The following ROBO2 variants were observed in gnomAD, a reference collection of about 807,000 sequenced individuals.
ROBO2 encodes roundabout guidance receptor 2, also known as roundabout homolog 2.
Under a neutral mutation model 160.8 loss-of-function variants are expected in ROBO2, and 53 were observed. That is an observed-to-expected ratio of 0.33 (90% confidence interval 0.26 to 0.41). The LOEUF (loss-of-function observed/expected upper bound fraction) is 0.41, where lower values mean the gene tolerates loss of function less well. Ranked by LOEUF, ROBO2 falls within the 10% of genes least tolerant of loss-of-function variation. ROBO2 has a pLI of 1.00. For synonymous variants in ROBO2, 664 were observed against 611.7 expected, an observed-to-expected ratio of 1.09 and a Z score of -1.26; for missense variants, 1,577 against 1,722.4, an observed-to-expected ratio of 0.92 and a Z score of 1.49.
intron 24 of ROBO2, among the ~76,000 whole-genome samples, chr3:77,640,096 C>CTTTTTTTTTTTTTTTTTTTTTTTTTTTTT (rs1559785171): frequency 1.0e-5 from 1 of 97,480 alleles, no homozygotes; most frequent in Non-Finnish European, 2.0e-5. Context: ...GCAGAGGAAG[C>CTTTTTTTTTTTTTTTTTTTTTTTTTTTTT]ATTTTTTTTT....
chr3:76,642,413 C>G (rs1338774874), intron 2 of ROBO2, among the ~76,000 whole-genome samples: 1 of 122,060 alleles, frequency 8.2e-6, no homozygotes, highest in Non-Finnish European at 1.6e-5. Context: ...AGTGTAATGG[C>G]GTGATCTCAA....
intron 12 of ROBO2, among the ~76,000 whole-genome samples, chr3:77,565,463 G>C (rs2093451951): frequency 6.6e-6 from 1 of 152,056 alleles, no homozygotes; most frequent in Non-Finnish European, 1.5e-5. Flanking sequence ...TTAATGAGTA[G>C]ATGCCCAAAT....
intron 2 of ROBO2, among the ~76,000 whole-genome samples, chr3:76,861,670 C>G (rs541234934): frequency 1.3e-5 from 2 of 152,128 alleles, no homozygotes; most frequent in South Asian, 4.1e-4. Context: ...ATATAACTAC[C>G]TACTGAACAA....
At chr3:77,400,032 G>C (rs1197499905) in intron 2 of ROBO2, among the ~76,000 whole-genome samples, 3 of 152,152 alleles carry the variant, frequency 2.0e-5, no homozygotes, top group Non-Finnish European at 2.9e-5. Context: ...TGTGTGGCCA[G>C]ACAGCAGAGA....
chr3:77,128,803 A>G (rs2075585309), intron 2 of ROBO2, among the ~76,000 whole-genome samples: 1 of 152,194 alleles, frequency 6.6e-6, no homozygotes, highest in African/African-American at 2.4e-5. Flanking sequence ...CTTGTGCTCA[A>G]CCTTGGTTAT....
Position 77,233,855 on chromosome 3 carries a change from TA to T in ROBO2, c.388+135519del, listed in dbSNP as rs556458896. Reference sequence around the variant, plus strand: ...AATTTATTTGCTTCTAATGTCTACATAAAAGACAAAATATCCACTAGTGAAT... The same window carrying T: ...AATTTATTTGCTTCTAATGTCTACATAAAGACAAAATATCCACTAGTGAAT... On this transcript the variant is annotated intron_variant, in intron 2 of 25. Coordinates refer to ENST00000461745, the Ensembl canonical transcript of ROBO2. Among the ~76,000 whole-genome samples, 8 of 152,302 alleles carry T rather than the reference TA, an allele frequency of 5.3e-5. No homozygotes were observed. In the South Asian group the frequency reaches 8.3e-4, roughly 16 times the overall value.
chr3:77,450,811 T>C (rs1016326556), intron 2 of ROBO2, among the ~76,000 whole-genome samples: 20 of 152,208 alleles, frequency 1.3e-4, no homozygotes, highest in African/African-American at 4.1e-4. Flanking sequence ...GTATTGTATA[T>C]GCAGAATCGT....
chr3:76,480,453 G>A (rs770002468), intron 2 of ROBO2, among the ~76,000 whole-genome samples: 33 of 152,220 alleles, frequency 2.2e-4, no homozygotes, highest in Middle Eastern at 3.4e-3. Context: ...GGCTTCCTTT[G>A]TCATGGAAGA....
intron 2 of ROBO2, among the ~76,000 whole-genome samples, chr3:75,989,046 A>C (rs904717552): frequency 4.6e-5 from 7 of 152,096 alleles, no homozygotes; most frequent in African/African-American, 1.7e-4. Flanking sequence ...TGTTAGTTTT[A>C]AAAATGTGTT....
At chr3:77,432,818 G>A (rs1330441637) in intron 2 of ROBO2, among the ~76,000 whole-genome samples, 1 of 152,106 alleles carries the variant, frequency 6.6e-6, no homozygotes, top group African/African-American at 2.4e-5. Context: ...CCCGTATGCT[G>A]GTTTATTGTG....
intron 2 of ROBO2, among the ~76,000 whole-genome samples, chr3:76,534,827 G>C (rs982422020): frequency 6.6e-6 from 1 of 152,082 alleles, no homozygotes; most frequent in Admixed American, 6.5e-5. Flanking sequence ...AGAACCTTAG[G>C]GGTTGGTGAC....
intron 2 of ROBO2, among the ~76,000 whole-genome samples, chr3:77,229,129 C>T (rs78562733): frequency 6.6e-6 from 1 of 152,096 alleles, no homozygotes; most frequent in Non-Finnish European, 1.5e-5. Context: ...CAAATGACAG[C>T]TACTGATATG....
chr3:75,960,679 A>G, intron 2 of ROBO2, among the ~76,000 whole-genome samples: 1 of 151,804 alleles, frequency 6.6e-6, no homozygotes, highest in East Asian at 1.9e-4. Context: ...TAACTCACTA[A>G]AACAGTAGGC....
rs1404386319 is a variant in ROBO2 at position 77,292,092 on chromosome 3, G to C, written c.389-185322G>C. On this transcript the variant is annotated intron_variant, in intron 2 of 25. Coordinates refer to ENST00000461745, the Ensembl canonical transcript of ROBO2. Reference sequence around the variant, plus strand: ...TTCACCCCAGACATAAAGTAAAATTGACGGTTAAACGGGTAAGCTGAGGCT... The same window carrying C: ...TTCACCCCAGACATAAAGTAAAATTCACGGTTAAACGGGTAAGCTGAGGCT... 2.0e-5 allele frequency among the ~76,000 whole-genome samples: 3 copies of C among 151,380 alleles called. No individual in the cohort carries two copies. The South Asian group carries it at 6.3e-4, about 32-fold the overall frequency.
At chr3:76,273,211 A>G in intron 2 of ROBO2, among the ~76,000 whole-genome samples, 1 of 145,864 alleles carries the variant, frequency 6.9e-6, no homozygotes, top group South Asian at 2.1e-4. Flanking sequence ...TTCTCCACTT[A>G]TCTAAGTATG....
chr3:77,459,144 T>A (rs1335549499), intron 2 of ROBO2, among the ~76,000 whole-genome samples: 2 of 152,194 alleles, frequency 1.3e-5, no homozygotes, highest in Non-Finnish European at 2.9e-5. Context: ...AGCTACTGGC[T>A]TTTTTCTGAT....
intron 2 of ROBO2, among the ~76,000 whole-genome samples, chr3:77,022,117 C>T (rs1415790681): frequency 1.3e-5 from 2 of 152,110 alleles, no homozygotes; most frequent in African/African-American, 4.8e-5. Context: ...TGCCTGTAAT[C>T]CCAGCACTTT....
At position 75,929,783 on chromosome 3, in the gene ROBO2, C is replaced by T. The variant is rs145863793; in HGVS notation, c.-13-7698C>T. Among the ~76,000 whole-genome samples, 1,687 of 150,098 alleles carry T rather than the reference C, an allele frequency of 0.011. 210 individuals are homozygous for T. In the East Asian group the frequency reaches 0.29, roughly 25 times the overall value. On this transcript the variant is annotated intron_variant, in intron 1 of 26. Transcript: ENST00000487694. The stretch of plus-strand genomic sequence containing the variant: ...GATCTCGGCTCACTGCAACCTCCTC[C>T]TCCCGGTTTCAAGTGATTCTCCTGC...
chr3:76,141,141 CTCTCTCTCTCTCTCTCTCTATATA>C (rs1214462948), intron 2 of ROBO2, among the ~76,000 whole-genome samples: 2 of 61,222 alleles, frequency 3.3e-5, no homozygotes, highest in African/African-American at 1.4e-4. Context: ...CTCTCTCTCT[CTCTCTCTCTCTCTCTCTCTATATA>C]TATATATATA....
Sources: allele counts gnomAD v4.1 joint callset (sites outside exome capture counted in the v4.1 genomes callset), GRCh38; gene constraint gnomAD v4.1.1; transcripts MANE v1.5; gene names NCBI Gene and HGNC (gene_info 2026-07-23, HGNC 2026-07-21).